GPD2: variants seen among roughly 807,000 people sequenced by gnomAD.
GPD2 encodes the protein glycerol-3-phosphate dehydrogenase 2, also known as glycerol-3-phosphate dehydrogenase, mitochondrial.
A neutral mutation model predicts 82.4 loss-of-function variants in GPD2; 54 were observed. That is an observed-to-expected ratio of 0.66 (90% CI 0.53 to 0.82). The LOEUF (loss-of-function observed/expected upper bound fraction) is 0.82, where lower values mean the gene tolerates loss of function less well. GPD2 is among the 40% of genes least tolerant of loss of function. GPD2 has a pLI of 0.00. For missense variants in GPD2, 748 were observed against 896.2 expected, an observed-to-expected ratio of 0.83 and a Z score of 2.11; for synonymous variants, 288 against 306.1, an observed-to-expected ratio of 0.94 and a Z score of 0.62.
At chr2:156,461,700 C>A (rs1461415648) in intron 1 of GPD2, among the ~76,000 whole-genome samples, 1 of 152,186 alleles carries the variant, frequency 6.6e-6, no homozygotes, top group African/African-American at 2.4e-5. Context: ...ATCCTCTAAC[C>A]TATTATTTCA....
At chr2:156,439,539 A>AAAAAAAC (rs1682077099) in intron 1 of GPD2, among the ~76,000 whole-genome samples, 2 of 42,636 alleles carry the variant, frequency 4.7e-5, no homozygotes, top group Non-Finnish European at 1.1e-4. Flanking sequence ...AAAAAAAAAA[A>AAAAAAAC]CAAAAAAAAA....
chr2:156,489,998 T>C (rs1252937696), intron 2 of GPD2, among the ~76,000 whole-genome samples: 3 of 151,190 alleles, frequency 2.0e-5, no homozygotes, highest in Non-Finnish European at 4.4e-5. Flanking sequence ...ATATAGGGCC[T>C]ATGGCCATTC....
chr2:156,474,885 GT>G (rs1683450892), intron 1 of GPD2, among the ~76,000 whole-genome samples: 1 of 151,572 alleles, frequency 6.6e-6, no homozygotes, highest in African/African-American at 2.4e-5. Flanking sequence ...GGAAGCCAAG[GT>G]AGGAGATTGC....
chr2:156,554,004 G>A (rs1406091448), intron 8 of GPD2, among the ~76,000 whole-genome samples: 1 of 152,104 alleles, frequency 6.6e-6, no homozygotes, highest in Non-Finnish European at 1.5e-5. Flanking sequence ...ACATCCTGTT[G>A]GAAGCTTTGA....
chr2:156,496,076 C>T lies in GPD2; in HGVS notation c.135C>T (p.Cys45=). ...MNLAYVKAAD[C]ISEPVNREPP... is the part of the protein sequence containing the mutation. ...TGGCCTATGTTAAAGCAGCAGACTG[C>T]ATTTCAGAACCAGTTAACAGGGAGC... Residue 45 remains cysteine (C), a synonymous_variant, in exon 3 of 17, where the codon TGC becomes TGT. Transcript: ENST00000438166. The T allele has an allele frequency of 6.2e-7, 1 of 1,613,040 alleles. No individual in the cohort carries two copies.
chr2:156,464,380 T>C (rs111287138), intron 1 of GPD2, among the ~76,000 whole-genome samples: 1 of 152,328 alleles, frequency 6.6e-6, no homozygotes, highest in East Asian at 1.9e-4. Flanking sequence ...ATCTGTACTT[T>C]GGCTCTTTGT....
At chr2:156,536,508 A>T (rs3754769) in intron 6 of GPD2, among the ~76,000 whole-genome samples, 106,827 of 152,124 alleles carry the variant, frequency 0.7, 37,678 homozygotes, top group Middle Eastern at 0.82. Flanking sequence ...AGTAACTCTT[A>T]TTCTTGTTTT....
At position 156,584,079 on chromosome 2, in the gene GPD2, C is replaced by T. The variant is rs1026257179; in HGVS notation, c.*1161C>T. The T allele has an allele frequency of 2.0e-5, 3 of 151,828 alleles. No homozygotes were observed. Among genetic ancestry groups the T allele is most frequent in the Non-Finnish European group, 4.4e-5 (3 of 67,916 alleles). 9.4% of individuals were successfully genotyped at this position (151,828 alleles called of 1,614,324 possible). A position where few individuals can be genotyped will look rare whatever the true frequency, so the allele number is the denominator to read the frequency against. Reference sequence around the variant, plus strand: ...ACTCCATGGAAATATTCTCAGTAAACCAAAAACAAAAATGGAAAAATAATC... The same window carrying T: ...ACTCCATGGAAATATTCTCAGTAAATCAAAAACAAAAATGGAAAAATAATC... On this transcript the variant is annotated 3_prime_UTR_variant, in exon 17 of 17. Transcript: ENST00000438166.
intron 3 of GPD2, among the ~76,000 whole-genome samples, chr2:156,500,831 C>T (rs1684562508): frequency 6.6e-6 from 1 of 152,140 alleles, no homozygotes; most frequent in African/African-American, 2.4e-5. Context: ...TCATTTGTTT[C>T]ATTTGGGAAT....
upstream of GPD2, among the ~76,000 whole-genome samples, chr2:156,434,965 A>T (rs1415390810): frequency 6.6e-6 from 1 of 152,134 alleles, no homozygotes; most frequent in Non-Finnish European, 1.5e-5. Flanking sequence ...AGACTGACTC[A>T]TTGGACTTGG....
chr2:156,574,838 AC>A (rs1453374887), intron 13 of GPD2, among the ~76,000 whole-genome samples: 2 of 152,234 alleles, frequency 1.3e-5, no homozygotes, highest in Non-Finnish European at 2.9e-5. Context: ...GAAGAAAAAA[AC>A]AAAAGCAAAT....
intron 2 of GPD2, among the ~76,000 whole-genome samples, chr2:156,483,971 T>A (rs1683831916): frequency 6.8e-6 from 1 of 146,308 alleles, no homozygotes; most frequent in African/African-American, 2.5e-5. Flanking sequence ...ACATGACACA[T>A]TTATTTGCTT....
chr2:156,432,405 GT>G (rs1004056487), upstream of GPD2, among the ~76,000 whole-genome samples: 21 of 152,106 alleles, frequency 1.4e-4, no homozygotes, highest in African/African-American at 4.8e-4. Context: ...TTCAGCCCCT[GT>G]CCCCCTCCCT....
chr2:156,492,302 T>C (rs1322695529), intron 2 of GPD2, among the ~76,000 whole-genome samples: 2 of 151,166 alleles, frequency 1.3e-5, no homozygotes, highest in East Asian at 4.0e-4. Context: ...TATAGGCGTG[T>C]GCCACCATGC....
Position 156,583,401 on chromosome 2 carries a change from A to C in GPD2, c.*483A>C. 5.6e-6 allele frequency: 1 copy of C among 177,166 alleles called. No homozygotes were observed. The highest frequency in any genetic ancestry group is 1.1e-4 in the South Asian group (1 of 8,810). 11.0% of individuals were successfully genotyped at this position (177,166 alleles called of 1,614,324 possible). ...CATGTGTTATTAAAAAGAGTTACCT[A>C]TTGAAATGATAGTGTTTCTGGAGAT... On this transcript the variant is annotated 3_prime_UTR_variant, in exon 17 of 17. Transcript: ENST00000438166.
intron 1 of GPD2, among the ~76,000 whole-genome samples, chr2:156,453,735 G>A (rs1243439465): frequency 6.6e-6 from 1 of 152,074 alleles, no homozygotes; most frequent in Admixed American, 6.5e-5. Context: ...AAATTAGCTG[G>A]GCATGGTGGC....
At chr2:156,402,638 G>A in the GPD2 span, among the ~76,000 whole-genome samples, 1 of 152,110 alleles carries the variant, frequency 6.6e-6, no homozygotes, top group Non-Finnish European at 1.5e-5. Flanking sequence ...GCACCACCAT[G>A]CATGGCTAAT....
chr2:156,574,547 A>G (rs1687748702), intron 13 of GPD2, among the ~76,000 whole-genome samples: 1 of 152,166 alleles, frequency 6.6e-6, no homozygotes. Flanking sequence ...TTCAGAGACT[A>G]TAAAGAGAAA....
At chr2:156,574,716 A>G (rs576040182) in intron 13 of GPD2, among the ~76,000 whole-genome samples, 1 of 152,364 alleles carries the variant, frequency 6.6e-6, no homozygotes, top group South Asian at 2.1e-4. Flanking sequence ...CAAGTGCTCA[A>G]CAATGAAAGG....
Sources: gnomAD v4.1 joint callset for allele counts (sites outside exome capture counted in the v4.1 genomes callset) on GRCh38, gnomAD v4.1.1 for gene constraint, MANE v1.5 for transcripts, NCBI Gene and HGNC (gene_info 2026-07-23, HGNC 2026-07-21) for gene names.